The following ATP1A2 variants were observed in gnomAD, a reference collection of about 807,000 sequenced individuals.
ATP1A2 encodes ATPase Na+/K+ transporting subunit alpha 2.
In ATP1A2, 56 loss-of-function variants were observed where a neutral mutation model predicts 113.1. The ratio of observed to expected loss-of-function variants is 0.49; its 90% confidence interval spans 0.40 to 0.62. The LOEUF is 0.62. Among genes scored for constraint, ATP1A2 ranks in the 20% least tolerant of loss-of-function variants. ATP1A2 has a pLI of 0.00. For missense variants in ATP1A2, 712 were observed against 1,357.8 expected, an observed-to-expected ratio of 0.52 and a Z score of 7.47; for synonymous variants, 490 against 526.8, an observed-to-expected ratio of 0.93 and a Z score of 0.96.
At chr1:160,117,456 C>T (rs1651222370) in intron 1 of ATP1A2, among the ~76,000 whole-genome samples, 1 of 152,086 alleles carries the variant, frequency 6.6e-6, no homozygotes. Context: ...CTGTCTTTTT[C>T]CCCTAGCACC....
chr1:160,137,636 C>T (rs960259722), intron 20 of ATP1A2, among the ~76,000 whole-genome samples: 1 of 152,202 alleles, frequency 6.6e-6, no homozygotes, highest in African/African-American at 2.4e-5. Flanking sequence ...AAACCCAGCC[C>T]TGGCTACTAC....
At chr1:160,121,099 C>T in intron 2 of ATP1A2, 89 bp downstream of exon 2, 2 of 1,601,608 alleles carry the variant, frequency 1.2e-6, no homozygotes, top group South Asian at 1.1e-5. Context: ...CTCCGTGTCC[C>T]CCATGCTGCT....
chr1:160,119,286 A>C (rs1651297355), intron 1 of ATP1A2, among the ~76,000 whole-genome samples: 1 of 146,728 alleles, frequency 6.8e-6, no homozygotes, highest in Non-Finnish European at 1.5e-5. Context: ...AAAAAAAAGC[A>C]AACACCTTGG....
Position 160,130,264 on chromosome 1 carries a change from C to A in ATP1A2, c.1624C>A (p.Leu542Met), listed in dbSNP as rs772234591. The change falls in exon 12 of 23, where the codon CTG (leucine) becomes ATG (methionine). Residue 542 changes from leucine to methionine, a missense_variant. Physicochemically the swap from Leu to Met is conservative, Grantham distance 15 (BLOSUM62 2). Coordinates refer to ENST00000361216, the MANE Select transcript of ATP1A2 (RefSeq NM_000702.4). ...TGCCTTTCAAAATGCCTACATGGAG[C>A]TGGGGGGACTTGGGGAGCGTGTGCT... is the stretch of plus-strand genomic sequence containing the variant. ...QDAFQNAYME[L>M]GGLGERVLGF... 1 of 1,614,032 alleles carries A rather than the reference C, an allele frequency of 6.2e-7. No homozygotes were observed. Among genetic ancestry groups the A allele is most frequent in the African/African-American group, 1.3e-5 (1 of 74,902 alleles).
At position 160,139,630 on chromosome 1, in the gene ATP1A2, T is replaced by C. The variant is rs763202093; in HGVS notation, c.2841-10T>C. 1 of 1,613,822 alleles carries C rather than the reference T, an allele frequency of 6.2e-7. No individual in the cohort carries two copies. Among genetic ancestry groups the C allele is most frequent in the South Asian group, 1.1e-5 (1 of 91,074 alleles). ...CCCTTCACCTGCCACCTCCTTTCTT[T>C]GCCTTTCAGGAACAAGATCCTGATT... On this transcript the variant is annotated splice_polypyrimidine_tract_variant and intron_variant, in intron 20 of 22. Transcript: ENST00000361216.
At chr1:160,125,946 T>C (rs1240205226) in intron 7 of ATP1A2, among the ~76,000 whole-genome samples, 1 of 152,166 alleles carries the variant, frequency 6.6e-6, no homozygotes, top group Non-Finnish European at 1.5e-5. Flanking sequence ...CAGGGCTGCA[T>C]CAGAGAAGGA....
chr1:160,119,276 A>AAAC (rs1651295301), intron 1 of ATP1A2, among the ~76,000 whole-genome samples: 1 of 147,984 alleles, frequency 6.8e-6, no homozygotes, highest in Non-Finnish European at 1.5e-5. Flanking sequence ...AAAAAAAAAA[A>AAAC]AAAAAAAGCA....
At chr1:160,134,641 C>T (rs1368806727) in intron 14 of ATP1A2, 21 bp downstream of exon 14, 1 of 1,614,162 alleles carries the variant, frequency 6.2e-7, no homozygotes, top group East Asian at 2.2e-5. Flanking sequence ...TGCAGGAAGC[C>T]CCTGTGCCCT....
chr1:160,122,420 G>GAAAAAAAAAAAAA, intron 3 of ATP1A2, among the ~76,000 whole-genome samples: 1 of 137,136 alleles, frequency 7.3e-6, no homozygotes, highest in Non-Finnish European at 1.5e-5. Context: ...ATGAATGAAT[G>GAAAAAAAAAAAAA]AAAAAAAAAA....
intron 7 of ATP1A2, 149 bp from the exon 8 acceptor site, chr1:160,127,403 C>T: frequency 9.5e-7 from 1 of 1,056,432 alleles, no homozygotes; most frequent in Non-Finnish European, 1.4e-6. Flanking sequence ...AAAGGAAGGC[C>T]AAGTGGGGAC....
chr1:160,141,472 G>C lies in ATP1A2; in HGVS notation c.*150G>C, dbSNP rs1340791681. 7.0e-6 allele frequency: 7 copies of C among 1,003,684 alleles called. No individual in the cohort carries two copies. Among genetic ancestry groups the C allele is most frequent in the Non-Finnish European group, 9.3e-6 (6 of 646,890 alleles). The allele number at this position is 1,003,684 out of a possible 1,614,324, so 62.2% of individuals were successfully genotyped here. On this transcript the variant is annotated 3_prime_UTR_variant, in exon 23 of 23. Coordinates refer to ENST00000361216, the MANE Select transcript of ATP1A2 (RefSeq NM_000702.4). ...GGCAACTCAGCAGGCTAAGTTGCGGGGTATATAAATTGGGGTGATGACCCC... is the reference window on the plus strand; with the variant it reads ...GGCAACTCAGCAGGCTAAGTTGCGGCGTATATAAATTGGGGTGATGACCCC...
At chr1:160,133,886 T>A (rs978530881) in intron 13 of ATP1A2, among the ~76,000 whole-genome samples, 3 of 152,126 alleles carry the variant, frequency 2.0e-5, no homozygotes, top group Non-Finnish European at 2.9e-5. Flanking sequence ...CCTCATGAAC[T>A]TGTTACTCTG....
In ATP1A2 at chr1:160,135,482, T is replaced by C. The variant is rs1651908470; in HGVS notation, c.2164T>C (p.Leu722=). ...TGACGGGGTGAACGACTCCCCTGCATTGAAGAAGGCTGACATTGGCATTGC... is the reference window on the plus strand; with the variant it reads ...TGACGGGGTGAACGACTCCCCTGCACTGAAGAAGGCTGACATTGGCATTGC... ...TGDGVNDSPA[L]KKADIGIAMG... is the part of the protein sequence containing the mutation. Residue 722 remains leucine (L), a synonymous_variant, in exon 16 of 23, where the codon TTG becomes CTG. Transcript: ENST00000361216. This position sits in a 1 kb window ranked among gnomAD's most constrained non-coding sequence, Gnocchi z 6.3. 3 of 1,614,184 alleles carry C rather than the reference T, an allele frequency of 1.9e-6. No homozygotes were observed. Among genetic ancestry groups the C allele is most frequent in the East Asian group, 2.2e-5 (1 of 44,882 alleles).
Position 160,141,577 on chromosome 1 carries a change from C to T in ATP1A2, c.*255C>T, listed in dbSNP as rs1570999612. ...CCAGATCCTTTTCCATCCCACTCCA[C>T]TATGTTGTCTATTTTTTCTGAGGAA... is the stretch of plus-strand genomic sequence containing the variant. On this transcript the variant is annotated 3_prime_UTR_variant, in exon 23 of 23. Coordinates refer to ENST00000361216, the MANE Select transcript of ATP1A2 (RefSeq NM_000702.4). 5.4e-6 allele frequency: 3 copies of T among 554,312 alleles called. No homozygotes were observed. Among genetic ancestry groups the T allele is most frequent in the Non-Finnish European group, 9.8e-6 (3 of 306,508 alleles). The allele number at this position is 554,312 out of a possible 1,614,324, so 34.3% of individuals were successfully genotyped here.
chr1:160,116,336 A>T (rs1374852347), intron 1 of ATP1A2, among the ~76,000 whole-genome samples: 1 of 152,178 alleles, frequency 6.6e-6, no homozygotes, highest in Admixed American at 6.5e-5. Context: ...GAGGGGCAGT[A>T]GAGCATCCGG....
chr1:160,140,759 C>A (rs1410493080), intron 22 of ATP1A2: 1 of 181,768 alleles, frequency 5.5e-6, no homozygotes, highest in Non-Finnish European at 1.2e-5. Flanking sequence ...GTGCTAAATA[C>A]AAGTCTCCCC....
intron 1 of ATP1A2, 33 bp from the exon 2 acceptor site, chr1:160,120,873 C>T (rs114284892): frequency 6.6e-7 from 1 of 1,521,388 alleles, no homozygotes; most frequent in Non-Finnish European, 8.8e-7. Context: ...CCCCTCTCTT[C>T]CCTGACTCTC....
Position 160,124,373 on chromosome 1 carries a change from G to A in ATP1A2, c.573G>A (p.Val191=). Residue 191 remains valine (V), a synonymous_variant, in exon 6 of 23, where the codon GTG becomes GTA. Coordinates refer to ENST00000361216, the MANE Select transcript of ATP1A2 (RefSeq NM_000702.4). ...EEVVVGDLVE[V]KGGDRVPADL... ...TGGTGGTGGGAGACCTGGTGGAGGT[G>A]AAGGGTGGAGACCGCGTCCCTGCTG... The A allele has an allele frequency of 6.2e-7, 1 of 1,612,928 alleles. No homozygotes were observed. Among genetic ancestry groups the A allele is most frequent in the Non-Finnish European group, 8.5e-7 (1 of 1,179,638 alleles).
intron 3 of ATP1A2, among the ~76,000 whole-genome samples, chr1:160,122,405 A>C (rs12122342): frequency 1.6e-5 from 2 of 127,884 alleles, no homozygotes; most frequent in African/African-American, 2.7e-5. Context: ...ACATTTATTA[A>C]ATGAATGAAT....
Sources: gnomAD v4.1 joint callset for allele counts (sites outside exome capture counted in the v4.1 genomes callset) on GRCh38, gnomAD v4.1.1 for gene constraint, Gnocchi (gnomAD v3.1) non-coding constraint, MANE v1.5 for transcripts, NCBI Gene and HGNC (gene_info 2026-07-23, HGNC 2026-07-21) for gene names.